The following GRIN2A variants were observed in gnomAD, a reference collection of about 807,000 sequenced individuals.
GRIN2A encodes the protein glutamate ionotropic receptor NMDA type subunit 2A, also known as glutamate receptor ionotropic, NMDA 2A.
A neutral mutation model predicts 113.4 loss-of-function variants in GRIN2A; 22 were observed. That is an observed-to-expected ratio of 0.19 (90% confidence interval 0.14 to 0.28). The LOEUF (loss-of-function observed/expected upper bound fraction) is 0.28. Ranked by LOEUF, GRIN2A falls within the 10% of genes least tolerant of loss-of-function variation. The pLI is 1.00. For missense variants in GRIN2A, 1,502 were observed against 1,887.0 expected (o/e 0.80, Z 3.78); for synonymous variants, 827 against 738.4 (o/e 1.12, Z -1.94).
Position 9,935,706 on chromosome 16 carries a change from A to T in GRIN2A, c.1007+2253T>A, listed in dbSNP as rs1054415168. Among the ~76,000 whole-genome samples the T allele has an allele frequency of 4.6e-5, 7 of 151,692 alleles. No homozygotes were observed. The South Asian group carries it at 1.3e-3, about 27-fold the overall frequency. On this transcript the variant is annotated intron_variant, in intron 3 of 12. Coordinates refer to ENST00000330684, the MANE Select transcript of GRIN2A (RefSeq NM_001134407.3). ...ACTGTATTTCCCTTTTATTATTATT[A>T]TTTTTTTGAGATGGAATCTCACTCT... is the stretch of plus-strand genomic sequence containing the variant.
Position 9,888,946 on chromosome 16 carries a change from C to T in GRIN2A, c.1122+2040G>A, listed in dbSNP as rs564523449. 1.6e-3 allele frequency among the ~76,000 whole-genome samples: 238 copies of T among 151,988 alleles called. 2 individuals are homozygous for T. The highest frequency in any genetic ancestry group is 4.6e-3 in the African/African-American group (191 of 41,478). On this transcript the variant is annotated intron_variant, in intron 4 of 12. Transcript: ENST00000330684. ...ACTAATCTTGCATTCCTCAGATAGC[C>T]CCCACTTATCCATGATGTATTATCC...
chr16:9,907,548 T>A (rs1218130840), intron 3 of GRIN2A, among the ~76,000 whole-genome samples: 1 of 152,194 alleles, frequency 6.6e-6, no homozygotes, highest in Non-Finnish European at 1.5e-5. Context: ...CAGTCATGAT[T>A]ATACGAATCT....
chr16:9,876,562 T>C (rs7198943), intron 4 of GRIN2A, among the ~76,000 whole-genome samples: 54,199 of 151,994 alleles, frequency 0.36, 11,213 homozygotes, highest in African/African-American at 0.58. Context: ...CTCTGCCGGA[T>C]TTTGTAGCCC....
intron 2 of GRIN2A, among the ~76,000 whole-genome samples, chr16:10,124,365 A>G (rs1322505467): frequency 6.6e-6 from 1 of 152,190 alleles, no homozygotes; most frequent in Non-Finnish European, 1.5e-5. Context: ...CCTGCCCTGT[A>G]TGCAGTAGAT....
chr16:10,144,660 T>C (rs998134681), intron 2 of GRIN2A, among the ~76,000 whole-genome samples: 11 of 152,214 alleles, frequency 7.2e-5, no homozygotes, highest in Admixed American at 3.9e-4. Context: ...AGAAGTTTCA[T>C]TGCAGCATTA....
chr16:10,112,629 G>C, intron 2 of GRIN2A: 2 of 768,432 alleles, frequency 2.6e-6, no homozygotes, highest in Admixed American at 1.7e-5. Flanking sequence ...GGGCTCGCTA[G>C]ATGCCATGGA....
intron 2 of GRIN2A, among the ~76,000 whole-genome samples, chr16:10,040,712 A>G (rs1201876897): frequency 6.6e-6 from 1 of 152,088 alleles, no homozygotes; most frequent in Non-Finnish European, 1.5e-5. Flanking sequence ...ACACATACAC[A>G]CACCATAGGC....
chr16:9,777,852 T>C (rs1003515933), intron 11 of GRIN2A, among the ~76,000 whole-genome samples: 1 of 152,114 alleles, frequency 6.6e-6, no homozygotes, highest in African/African-American at 2.4e-5. Context: ...TCACCTGGGG[T>C]CAGGAGTTTG....
chr16:9,793,440 C>T (rs1902748161), intron 11 of GRIN2A, among the ~76,000 whole-genome samples: 1 of 152,048 alleles, frequency 6.6e-6, no homozygotes, highest in Admixed American at 6.6e-5. Flanking sequence ...CTTATGGGAT[C>T]CCCTGTTCAC....
intron 2 of GRIN2A, among the ~76,000 whole-genome samples, chr16:9,997,255 G>A (rs2046241240): frequency 1.3e-5 from 2 of 152,066 alleles, no homozygotes; most frequent in South Asian, 4.1e-4. Flanking sequence ...ATGACAACAG[G>A]GAAAAGGCTG....
chr16:9,786,827 A>T (rs1254059497), intron 11 of GRIN2A, among the ~76,000 whole-genome samples: 1 of 152,040 alleles, frequency 6.6e-6, no homozygotes, highest in Non-Finnish European at 1.5e-5. Context: ...AATAATTATA[A>T]CTCCATGCCA....
chr16:10,166,213 T>C (rs1321168856), intron 2 of GRIN2A, among the ~76,000 whole-genome samples: 1 of 152,160 alleles, frequency 6.6e-6, no homozygotes, highest in Admixed American at 6.5e-5. Context: ...ATTCCTAATT[T>C]GAAGAGACAA....
chr16:10,110,702 C>T (rs1322946662), intron 2 of GRIN2A, among the ~76,000 whole-genome samples: 1 of 152,194 alleles, frequency 6.6e-6, no homozygotes, highest in Non-Finnish European at 1.5e-5. Flanking sequence ...AATCCTACTC[C>T]GTTTTCCTCC....
chr16:10,021,817 G>C (rs986201074), intron 2 of GRIN2A, among the ~76,000 whole-genome samples: 1 of 151,902 alleles, frequency 6.6e-6, no homozygotes, highest in Non-Finnish European at 1.5e-5. Context: ...CATCAAGCCC[G>C]TTCAGGACAC....
chr16:10,089,360 T>C (rs2048142295), intron 2 of GRIN2A, among the ~76,000 whole-genome samples: 1 of 152,242 alleles, frequency 6.6e-6, no homozygotes, highest in Non-Finnish European at 1.5e-5. Context: ...ACGTTTACAG[T>C]AAATATGTGC....
intron 2 of GRIN2A, among the ~76,000 whole-genome samples, chr16:9,988,271 GT>G: frequency 3.0e-5 from 1 of 33,214 alleles, no homozygotes; most frequent in Non-Finnish European, 6.9e-5. Context: ...CCATAGGGGT[GT>G]GTGTGTGTGT....
chr16:10,175,574 T>C (rs929537050), intron 2 of GRIN2A, among the ~76,000 whole-genome samples: 1 of 152,216 alleles, frequency 6.6e-6, no homozygotes, highest in Admixed American at 6.5e-5. Context: ...GCATTATTTT[T>C]ATATGTCTGC....
At chr16:9,837,334 A>G (rs893948005) in intron 7 of GRIN2A, among the ~76,000 whole-genome samples, 2 of 152,212 alleles carry the variant, frequency 1.3e-5, no homozygotes, top group Non-Finnish European at 2.9e-5. Context: ...TGCAGCAGGA[A>G]AAGTGTGGGG....
Position 9,785,426 on chromosome 16 carries a change from CT to C in GRIN2A, c.2356+12850del, listed in dbSNP as rs747464218. Among the ~76,000 whole-genome samples, 4 of 114,950 alleles carry C rather than the reference CT, an allele frequency of 3.5e-5. No homozygotes were observed. The East Asian group carries it at 1.0e-3, about 29-fold the overall frequency. The allele number at this position is 114,950 out of a possible 152,430, so 75.4% of individuals were successfully genotyped here. The stretch of plus-strand genomic sequence containing the variant: ...GACACAGGAAGGGGAACATCACACT[CT>C]GGGGACTGTTGTGGGGTGGGGGGAG... On this transcript the variant is annotated intron_variant, in intron 11 of 12. Transcript: ENST00000330684.
Sources: gnomAD v4.1 joint callset for allele counts (sites outside exome capture counted in the v4.1 genomes callset) on GRCh38, gnomAD v4.1.1 for gene constraint, MANE v1.5 for transcripts, NCBI Gene and HGNC (gene_info 2026-07-23, HGNC 2026-07-21) for gene names.